POF1B: variants seen among roughly 807,000 people sequenced by gnomAD.
POF1B encodes the protein protein POF1B.
POF1B carries 53 observed loss-of-function variants against 55.3 expected under a neutral mutation model. That is an observed-to-expected ratio of 0.96 (90% CI 0.77 to 1.20). POF1B has a LOEUF of 1.20. POF1B is among the 50% of genes most tolerant of loss of function. The probability of loss-of-function intolerance (pLI) is 0.00; values close to 1 mark genes in which losing one functional copy is unlikely to be tolerated. For synonymous variants in POF1B, 188 were observed against 148.3 expected, an observed-to-expected ratio of 1.27 and a Z score of -1.95; for missense variants, 478 against 420.5, an observed-to-expected ratio of 1.14 and a Z score of -1.20.
rs776294261 is a variant in POF1B, at chrX:85,307,030, A to T, written c.1164+133T>A. On this transcript the variant is annotated intron_variant, in intron 11 of 16. Transcript: ENST00000262753. The stretch of plus-strand genomic sequence containing the variant: ...CCATTAGAAATACCCAAAGCCACTC[A>T]ATTCTCATATGAACAAATTTTTCCA... 5.2e-5 allele frequency: 25 copies of T among 480,460 alleles called. No individual in the cohort carries two copies. The South Asian group carries it at 1.0e-3, about 20-fold the overall frequency. 39.6% of individuals were successfully genotyped at this position (480,460 alleles called of 1,213,427 possible).
intron 15 of POF1B, among the ~76,000 whole-genome samples, chrX:85,283,599 T>C (rs1414327170): frequency 9.1e-6 from 1 of 110,382 alleles, no homozygotes; most frequent in Non-Finnish European, 1.9e-5. Flanking sequence ...ATATATATAA[T>C]TAAAGTCCTG....
chrX:85,336,646 A>C (rs750407250), intron 6 of POF1B, among the ~76,000 whole-genome samples: 34 of 111,344 alleles, frequency 3.1e-4, no homozygotes, highest in Non-Finnish European at 5.9e-4. Flanking sequence ...GCCCATTTTA[A>C]AAAATTAAAT....
chrX:85,301,491 C>T (rs752050824), intron 15 of POF1B, among the ~76,000 whole-genome samples: 1 of 111,580 alleles, frequency 9.0e-6, no homozygotes, highest in East Asian at 2.8e-4. Flanking sequence ...ACAAGAAATA[C>T]TAAAGGGAGT....
Position 85,314,455 on chromosome X carries a change from G to A in POF1B, c.934C>T (p.Gln312Ter). Reference sequence around the variant, plus strand: ...ACCTGCAGAATGTAGCGTATTTGCTGTTTTGTAAACTCTGATAATCCTTTA... The same window carrying A: ...ACCTGCAGAATGTAGCGTATTTGCTATTTTGTAAACTCTGATAATCCTTTA... ...IPKGLSEFTK[Q>*]QIRYILQMRG... The change falls in exon 9 of 17, where the codon CAG (glutamine) becomes TAG (stop). Residue 312 changes from glutamine to a stop codon, truncating the protein, a stop_gained. Coordinates refer to ENST00000262753, the MANE Select transcript of POF1B (RefSeq NM_024921.4). LOFTEE classifies it high-confidence loss of function. 8.3e-7 allele frequency: 1 copy of A among 1,198,442 alleles called. No homozygotes were observed. Among genetic ancestry groups the A allele is most frequent in the Admixed American group, 2.3e-5 (1 of 44,381 alleles).
chrX:85,323,049 G>C (rs1159868222), intron 7 of POF1B, among the ~76,000 whole-genome samples: 2 of 110,594 alleles, frequency 1.8e-5, no homozygotes, highest in Non-Finnish European at 3.8e-5. Context: ...ATTCCTCCGG[G>C]ATCTAGAACT....
intron 2 of POF1B, 24 bp downstream of exon 2, chrX:85,379,149 C>T: frequency 8.3e-7 from 1 of 1,199,694 alleles, no homozygotes; most frequent in Non-Finnish European, 1.1e-6. Context: ...CTCCACTAGT[C>T]TGGCATAGCT....
intron 6 of POF1B, among the ~76,000 whole-genome samples, chrX:85,334,884 A>G (rs889948956): frequency 1.8e-5 from 2 of 111,390 alleles, no homozygotes; most frequent in African/African-American, 3.2e-5. Flanking sequence ...AACCATATTT[A>G]CATCGTTCAG....
At chrX:85,314,936 G>C (rs1010552987) in intron 8 of POF1B, among the ~76,000 whole-genome samples, 1 of 111,462 alleles carries the variant, frequency 9.0e-6, no homozygotes, top group Non-Finnish European at 1.9e-5. Context: ...AAAAATTAAG[G>C]GAGTTACAGG....
chrX:85,282,647 C>T (rs1182989185), intron 15 of POF1B, among the ~76,000 whole-genome samples: 2 of 110,286 alleles, frequency 1.8e-5, no homozygotes, highest in Admixed American at 9.7e-5. Context: ...TTCTTGGTCA[C>T]GGGATAAGTA....
chrX:85,315,034 T>A (rs1486364521), intron 8 of POF1B, among the ~76,000 whole-genome samples: 1 of 111,506 alleles, frequency 9.0e-6, no homozygotes, highest in Non-Finnish European at 1.9e-5. Flanking sequence ...CAACTAATTT[T>A]AAGTGAGTAG....
intron 2 of POF1B, among the ~76,000 whole-genome samples, chrX:85,371,063 A>G (rs1933811629): frequency 9.0e-6 from 1 of 111,637 alleles, no homozygotes; most frequent in South Asian, 3.7e-4. Context: ...ACATAGTGGA[A>G]AAAGTGCTAG....
At chrX:85,333,075 T>A (rs1933007061) in intron 6 of POF1B, among the ~76,000 whole-genome samples, 1 of 111,129 alleles carries the variant, frequency 9.0e-6, no homozygotes, top group Admixed American at 9.6e-5. Context: ...TAGATATACA[T>A]AATTTTATTT....
chrX:85,333,665 T>C (rs751214807), intron 6 of POF1B, among the ~76,000 whole-genome samples: 1 of 111,003 alleles, frequency 9.0e-6, no homozygotes, highest in Admixed American at 9.6e-5. Context: ...GGTGATCCCT[T>C]GTACCTTCCT....
rs751558295 is a variant in POF1B, at chrX:85,307,146, T to C, written c.1164+17A>G. 1 of 1,142,158 alleles carries C rather than the reference T, an allele frequency of 8.8e-7. No homozygotes were observed. Among genetic ancestry groups the C allele is most frequent in the Non-Finnish European group, 1.2e-6 (1 of 836,138 alleles). The allele number at this position is 1,142,158 out of a possible 1,213,427, so 94.1% of individuals were successfully genotyped here. ...AGCTATCAATGTAGATTAACACCAATAAAAGCATCAGTTTACCTGCTGCTG... is the reference window on the plus strand; with the variant it reads ...AGCTATCAATGTAGATTAACACCAACAAAAGCATCAGTTTACCTGCTGCTG... On this transcript the variant is annotated intron_variant, in intron 11 of 16. Coordinates refer to ENST00000262753, the MANE Select transcript of POF1B (RefSeq NM_024921.4).
In POF1B at chrX:85,315,743, A is replaced by G. The variant is rs369675598; in HGVS notation, c.855-9T>C. The G allele has an allele frequency of 1.7e-6, 2 of 1,171,871 alleles. No homozygotes were observed. Among genetic ancestry groups the G allele is most frequent in the African/African-American group, 1.8e-5 (1 of 55,266 alleles). On this transcript the variant is annotated splice_polypyrimidine_tract_variant and intron_variant, in intron 7 of 16. Coordinates refer to ENST00000262753, the MANE Select transcript of POF1B (RefSeq NM_024921.4). ...ACTCAAAGTCCTGTTTGCTGCAAGA[A>G]CAAAAAAAAAGATACACAACTTTAG...
chrX:85,288,888 G>A (rs190292013), intron 15 of POF1B, among the ~76,000 whole-genome samples: 84 of 111,786 alleles, frequency 7.5e-4, no homozygotes, highest in Non-Finnish European at 1.3e-3. Flanking sequence ...TATCAGCAGC[G>A]TGAAAACAAA....
At chrX:85,329,419 C>A (rs1932940640) in intron 7 of POF1B, among the ~76,000 whole-genome samples, 1 of 110,760 alleles carries the variant, frequency 9.0e-6, no homozygotes, top group South Asian at 3.8e-4. Flanking sequence ...GGCACCGGTT[C>A]AAATAAATGG....
chrX:85,371,994 A>G (rs1933829909), intron 2 of POF1B, among the ~76,000 whole-genome samples: 1 of 111,814 alleles, frequency 8.9e-6, no homozygotes, highest in Admixed American at 9.5e-5. Flanking sequence ...TGTGGGTCAG[A>G]CTTGCTATAT....
intron 6 of POF1B, among the ~76,000 whole-genome samples, chrX:85,336,064 T>C (rs936868450): frequency 3.6e-5 from 4 of 110,679 alleles, no homozygotes; most frequent in African/African-American, 1.3e-4. Flanking sequence ...TGAGTTCTAA[T>C]GTTTTGTATT....
Sources: allele counts gnomAD v4.1 joint callset (sites outside exome capture counted in the v4.1 genomes callset), GRCh38; gene constraint gnomAD v4.1.1; transcripts MANE v1.5; gene names NCBI Gene and HGNC (gene_info 2026-07-23, HGNC 2026-07-21).